ZFYVE16: variants seen among roughly 807,000 people sequenced by gnomAD.
ZFYVE16 encodes the protein zinc finger FYVE-type containing 16.
ZFYVE16 carries 89 observed loss-of-function variants against 138.1 expected under a neutral mutation model. That is an observed-to-expected ratio of 0.64 (90% CI 0.54 to 0.77). The LOEUF (loss-of-function observed/expected upper bound fraction) is 0.77. Ranked by LOEUF, ZFYVE16 falls within the 30% of genes least tolerant of loss-of-function variation. The pLI, the probability that ZFYVE16 is intolerant of heterozygous loss-of-function variation, is 0.00. For synonymous variants in ZFYVE16, 596 were observed against 618.3 expected (o/e 0.96, Z 0.53); for missense variants, 1,793 against 1,786.7 (o/e 1.00, Z -0.06).
In ZFYVE16 at chr5:80,438,934, C is replaced by T; in HGVS notation, c.2249C>T (p.Ala750Val). 1 of 1,614,062 alleles carries T rather than the reference C, an allele frequency of 6.2e-7. No individual in the cohort carries two copies. Among genetic ancestry groups the T allele is most frequent in the Non-Finnish European group, 8.5e-7 (1 of 1,179,950 alleles). ...CCTACTTGGGTTCCTGATTCAGAAGCTCCAAACTGTATGAACTGCCAAGTC... is the reference window on the plus strand; with the variant it reads ...CCTACTTGGGTTCCTGATTCAGAAGTTCCAAACTGTATGAACTGCCAAGTC... ...KQPTWVPDSE[A>V]PNCMNCQVKF... Residue 750 changes from alanine to valine, a missense_variant, in exon 4 of 19, where the codon GCT becomes GTT. Ala to Val is a moderately conservative substitution (Grantham distance 64, BLOSUM62 0). This residue lies in a region of ZFYVE16 where 1,295 missense variants were observed against 1,204.3 expected (regional missense o/e 1.08). Coordinates refer to ENST00000505560, the MANE Select transcript of ZFYVE16 (RefSeq NM_001284236.3).
At chr5:80,436,011 C>G (rs1749856280) in intron 3 of ZFYVE16, among the ~76,000 whole-genome samples, 1 of 152,182 alleles carries the variant, frequency 6.6e-6, no homozygotes, top group Non-Finnish European at 1.5e-5. Flanking sequence ...GAAGAAGGTG[C>G]TTCTCCTTTG....
chr5:80,427,104 G>A (rs1034334499), intron 1 of ZFYVE16, among the ~76,000 whole-genome samples: 15 of 150,524 alleles, frequency 1.0e-4, no homozygotes, highest in Non-Finnish European at 1.5e-4. Context: ...GGCAGGTCTC[G>A]AACTCCTGGG....
chr5:80,467,151 G>C (rs145455810), intron 15 of ZFYVE16, among the ~76,000 whole-genome samples: 31 of 152,290 alleles, frequency 2.0e-4, no homozygotes, highest in Admixed American at 7.8e-4. Context: ...TGTCGAAATG[G>C]AATGATTATG....
At chr5:80,457,862 TA>T (rs1295226971) in intron 14 of ZFYVE16, among the ~76,000 whole-genome samples, 2 of 151,446 alleles carry the variant, frequency 1.3e-5, no homozygotes, top group Non-Finnish European at 2.9e-5. Context: ...CCGTCTCTAT[TA>T]AAAATACAAA....
intron 3 of ZFYVE16, among the ~76,000 whole-genome samples, chr5:80,436,010 G>T (rs1465387475): frequency 2.6e-5 from 4 of 152,172 alleles, no homozygotes; most frequent in East Asian, 1.9e-4. Flanking sequence ...TGAAGAAGGT[G>T]CTTCTCCTTT....
intron 1 of ZFYVE16, among the ~76,000 whole-genome samples, chr5:80,416,354 C>T (rs571035408): frequency 2.1e-4 from 30 of 142,450 alleles, no homozygotes; most frequent in Non-Finnish European, 3.3e-4. Flanking sequence ...CTCCTGGGTT[C>T]AAGCGATTCT....
intron 15 of ZFYVE16, among the ~76,000 whole-genome samples, chr5:80,465,603 C>A (rs1260920758): frequency 1.3e-5 from 2 of 151,346 alleles, no homozygotes; most frequent in African/African-American, 4.9e-5. Context: ...GAGACAGGGT[C>A]TCACTGTGTT....
At chr5:80,440,699 T>TGA (rs1750597042) in intron 5 of ZFYVE16, 1 of 982,024 alleles carries the variant, frequency 1.0e-6, no homozygotes. Context: ...TGTGTGTGTG[T>TGA]GTGTGGTGTT....
Position 80,480,524 on chromosome 5 carries a change from ATACT to A in ZFYVE16, c.*3150_*3153del, listed in dbSNP as rs1755227105. Among the ~76,000 whole-genome samples, 1 of 152,180 alleles carries A rather than the reference ATACT, an allele frequency of 6.6e-6. No individual in the cohort carries two copies. Among genetic ancestry groups the A allele is most frequent in the Non-Finnish European group, 1.5e-5 (1 of 68,036 alleles). ...GAGAGGCAAGAATAGGACAGAGCAA[ATACT>A]TAGATAGAATGCAGAATTTTAAAAA... is the stretch of plus-strand genomic sequence containing the variant. On this transcript the variant is annotated 3_prime_UTR_variant, in exon 19 of 19. Transcript: ENST00000505560.
In ZFYVE16 at chr5:80,438,394, A is replaced by G; in HGVS notation, c.1709A>G (p.Asp570Gly). ...AATCAGATAGATATGAAAGGCTTAG[A>G]TGATGGAAACATCAATAATATATAT... ...QMNQIDMKGL[D>G]DGNINNIYFN... The change falls in exon 4 of 19, where the codon GAT becomes GGT. Residue 570 changes from aspartate to glycine, a missense_variant. Physicochemically the swap from Asp to Gly is moderately conservative, Grantham distance 94. This residue lies in a region of ZFYVE16 where 1,295 missense variants were observed against 1,204.3 expected (regional missense o/e 1.08). Coordinates refer to ENST00000505560, the MANE Select transcript of ZFYVE16 (RefSeq NM_001284236.3). The G allele has an allele frequency of 1.9e-6, 3 of 1,613,990 alleles. No homozygotes were observed. Among genetic ancestry groups the G allele is most frequent in the South Asian group, 1.1e-5 (1 of 91,076 alleles).
intron 14 of ZFYVE16, among the ~76,000 whole-genome samples, chr5:80,458,032 TAAA>T (rs749338847): frequency 4.1e-5 from 3 of 73,636 alleles, no homozygotes; most frequent in South Asian, 4.5e-4. Flanking sequence ...AGACTACGTC[TAAA>T]AAAAAAAAAA....
At position 80,437,163 on chromosome 5, in the gene ZFYVE16, T is replaced by G. The variant is rs145120511; in HGVS notation, c.478T>G (p.Ser160Ala). 8 of 1,613,940 alleles carry G rather than the reference T, an allele frequency of 5.0e-6. No individual in the cohort carries two copies. The African/African-American group carries it at 9.3e-5, about 19-fold the overall frequency. Residue 160 changes from serine (S) to alanine (A), a missense_variant, in exon 4 of 19, where the codon TCC (serine) becomes GCC (alanine). Physicochemically the swap from Ser to Ala is moderately conservative, Grantham distance 99. Coordinates refer to ENST00000505560, the MANE Select transcript of ZFYVE16 (RefSeq NM_001284236.3). The stretch of plus-strand genomic sequence containing the variant: ...AGATGATTTTAAGTCTAATGCAGAT[T>G]CCTTGATTGGATTGGATTTATCTTC... ...LPDDFKSNAD[S>A]LIGLDLSSVS...
At chr5:80,469,354 T>C (rs1754066572) in intron 15 of ZFYVE16, among the ~76,000 whole-genome samples, 1 of 151,834 alleles carries the variant, frequency 6.6e-6, no homozygotes, top group Non-Finnish European at 1.5e-5. Flanking sequence ...TGATCCTCCT[T>C]CCTCAGCCTC....
chr5:80,455,610 A>G (rs1198708487), intron 11 of ZFYVE16, 82 bp from the exon 12 acceptor site: 2 of 1,043,176 alleles, frequency 1.9e-6, no homozygotes, highest in Non-Finnish European at 2.9e-6. Context: ...GTTTGTTTGT[A>G]AAATGAGAGT....
rs1367936716 is a variant in ZFYVE16 at position 80,472,934 on chromosome 5, T to C, written c.4187+11T>C. 3.2e-6 allele frequency: 5 copies of C among 1,577,750 alleles called. No individual in the cohort carries two copies. The highest frequency in any genetic ancestry group is 3.4e-6 in the Non-Finnish European group (4 of 1,163,472). On this transcript the variant is annotated intron_variant, in intron 16 of 18. Transcript: ENST00000505560. Reference sequence around the variant, plus strand: ...AAAAGGAAACAAAGGGTAGGAATTTTTTTATTCTAAAATATAATTGATTTG... The same window carrying C: ...AAAAGGAAACAAAGGGTAGGAATTTCTTTATTCTAAAATATAATTGATTTG...
intron 7 of ZFYVE16, 143 bp from the exon 8 acceptor site, chr5:80,447,882 AT>A (rs1421767853): frequency 1.5e-6 from 1 of 655,990 alleles, no homozygotes; most frequent in Non-Finnish European, 2.3e-6. Context: ...TTCTTGGGAA[AT>A]TTGACTTTAA....
chr5:80,470,997 C>T (rs1372292386), intron 15 of ZFYVE16, among the ~76,000 whole-genome samples: 8 of 152,200 alleles, frequency 5.3e-5, no homozygotes, highest in Non-Finnish European at 8.8e-5. Flanking sequence ...TGTGCTTCCC[C>T]CTGCAGAGAG....
intron 11 of ZFYVE16, 41 bp from the exon 12 acceptor site, chr5:80,455,651 T>G: frequency 6.6e-7 from 1 of 1,524,008 alleles, no homozygotes; most frequent in Non-Finnish European, 9.1e-7. Context: ...ATTTGGGGTT[T>G]TTTTTGTTGA....
Position 80,437,476 on chromosome 5 carries a change from A to G in ZFYVE16, c.791A>G (p.His264Arg), listed in dbSNP as rs777826132. 6.2e-7 allele frequency: 1 copy of G among 1,608,934 alleles called. No homozygotes were observed. The highest frequency in any genetic ancestry group is 8.5e-7 in the Non-Finnish European group (1 of 1,178,030). The part of the protein sequence containing the change: ...KMFHAKDKLQ[H>R]KSQPCGLLKD... ...TTTCATGCCAAAGACAAGCTACAAC[A>G]CAAGAGCCAGCCATGTGGATTACTA... Residue 264 changes from histidine (H) to arginine (R), a missense_variant, in exon 4 of 19, where the codon CAC becomes CGC. Physicochemically the swap from His to Arg is conservative, Grantham distance 29. Coordinates refer to ENST00000505560, the MANE Select transcript of ZFYVE16 (RefSeq NM_001284236.3).
Sources: gnomAD v4.1 joint callset for allele counts (sites outside exome capture counted in the v4.1 genomes callset) on GRCh38, gnomAD v4.1.1 for gene constraint, gnomAD v4.1.1 regional missense constraint, MANE v1.5 for transcripts, NCBI Gene and HGNC (gene_info 2026-07-23, HGNC 2026-07-21) for gene names.